The following AFF3 variants were observed in gnomAD, a reference collection of about 807,000 sequenced individuals.
AFF3 encodes the protein AF4/FMR2 family member 3.
A neutral mutation model predicts 129.7 loss-of-function variants in AFF3; 32 were observed. That is an observed-to-expected ratio of 0.25 (90% CI 0.19 to 0.33). The LOEUF is 0.33. Ranked by LOEUF, AFF3 falls within the 10% of genes least tolerant of loss-of-function variation. The pLI, the probability that AFF3 is intolerant of heterozygous loss-of-function variation, is 1.00. For missense variants in AFF3, 1,373 were observed against 1,592.0 expected (o/e 0.86, Z 2.34); for synonymous variants, 644 against 635.4 (o/e 1.01, Z -0.20).
chr2:99,796,955 A>T (rs1265425962), intron 8 of AFF3, among the ~76,000 whole-genome samples: 1 of 152,202 alleles, frequency 6.6e-6, no homozygotes, highest in Non-Finnish European at 1.5e-5. Flanking sequence ...CAAACTGTGG[A>T]GACAAAACCC....
intron 7 of AFF3, among the ~76,000 whole-genome samples, chr2:99,939,061 C>A (rs530624497): frequency 3.9e-5 from 6 of 152,350 alleles, no homozygotes; most frequent in African/African-American, 1.4e-4. Context: ...AAAGGAAGCA[C>A]TGTTGCTCTC....
intron 11 of AFF3, among the ~76,000 whole-genome samples, chr2:99,689,659 A>C (rs1479378293): frequency 1.3e-4 from 2 of 15,586 alleles, no homozygotes; most frequent in Non-Finnish European, 3.0e-4. Flanking sequence ...TTAATTGCAA[A>C]AAAAAAAAAA....
intron 4 of AFF3, among the ~76,000 whole-genome samples, chr2:100,051,136 T>C (rs1034631893): frequency 6.6e-6 from 1 of 152,146 alleles, no homozygotes; most frequent in Admixed American, 6.5e-5. Flanking sequence ...CAAATAGTCA[T>C]TCAGGTAGTC....
intron 7 of AFF3, among the ~76,000 whole-genome samples, chr2:99,955,426 G>A (rs577351186): frequency 1.6e-4 from 24 of 152,162 alleles, no homozygotes; most frequent in African/African-American, 5.8e-4. Context: ...AGTGAGAATT[G>A]CCTCCAAAAA....
intron 8 of AFF3, among the ~76,000 whole-genome samples, chr2:99,801,080 C>T (rs1484115520): frequency 5.9e-5 from 9 of 152,188 alleles, no homozygotes; most frequent in East Asian, 1.9e-4. Context: ...ATATTTTCAC[C>T]GGTATATACC....
chr2:99,927,493 C>A (rs1426482847), intron 7 of AFF3, among the ~76,000 whole-genome samples: 1 of 152,224 alleles, frequency 6.6e-6, no homozygotes. Context: ...GACCAACTAC[C>A]ACATGTTCTA....
chr2:99,642,330 A>AG (rs1684285041), intron 13 of AFF3, among the ~76,000 whole-genome samples: 1 of 146,538 alleles, frequency 6.8e-6, no homozygotes, highest in African/African-American at 2.5e-5. Flanking sequence ...TTTTGGACTG[A>AG]GTTTTTTTCT....
chr2:99,618,224 CTTTTT>C (rs70940180), intron 13 of AFF3, among the ~76,000 whole-genome samples: 5 of 80,082 alleles, frequency 6.2e-5, no homozygotes, highest in African/African-American at 1.7e-4. Flanking sequence ...TCATAACATT[CTTTTT>C]TTTTTTTTTT....
intron 7 of AFF3, among the ~76,000 whole-genome samples, chr2:99,954,407 A>G (rs1267845674): frequency 6.6e-6 from 1 of 152,134 alleles, no homozygotes; most frequent in Admixed American, 6.5e-5. Flanking sequence ...CAGCCATCCC[A>G]TTACTGGGTA....
chr2:99,918,804 AAGGTTGTTATACAAATGAAT>A (rs1474081545), intron 7 of AFF3, among the ~76,000 whole-genome samples: 1 of 152,196 alleles, frequency 6.6e-6, no homozygotes, highest in East Asian at 1.9e-4. Context: ...CTCATTTTCA[AAGGTTGTTATACAAATGAAT>A]AGCACCAACA....
At chr2:100,007,680 G>T in intron 5 of AFF3, 1 of 574,452 alleles carries the variant, frequency 1.7e-6, no homozygotes, top group South Asian at 2.2e-5. Flanking sequence ...CATAAAAAGG[G>T]ATCTATCCGG....
chr2:100,137,196 C>T (rs1179819394), intron 1 of AFF3, among the ~76,000 whole-genome samples: 1 of 152,050 alleles, frequency 6.6e-6, no homozygotes, highest in East Asian at 1.9e-4. Flanking sequence ...TAAAATCGTT[C>T]CTAGTTTGGA....
intron 13 of AFF3, among the ~76,000 whole-genome samples, chr2:99,628,932 G>A (rs1339851827): frequency 6.6e-6 from 1 of 152,030 alleles, no homozygotes; most frequent in Admixed American, 6.6e-5. Flanking sequence ...ATGTTGGCCA[G>A]GCTGGTCTCA....
At chr2:99,931,873 C>T (rs1017768126) in intron 7 of AFF3, among the ~76,000 whole-genome samples, 2 of 152,180 alleles carry the variant, frequency 1.3e-5, no homozygotes, top group African/African-American at 4.8e-5. Flanking sequence ...GGTGCCATTG[C>T]ACTCCAGTCT....
chr2:99,752,695 T>C (rs1681758364), intron 8 of AFF3, among the ~76,000 whole-genome samples: 1 of 152,220 alleles, frequency 6.6e-6, no homozygotes, highest in South Asian at 2.1e-4. Flanking sequence ...TACTTTTAAC[T>C]TTATGAATCT....
At chr2:99,783,417 A>G (rs1684548356) in intron 8 of AFF3, among the ~76,000 whole-genome samples, 1 of 152,186 alleles carries the variant, frequency 6.6e-6, no homozygotes, top group Non-Finnish European at 1.5e-5. Flanking sequence ...TAAATTCTGC[A>G]TTTGGGTACC....
chr2:99,898,381 G>C (rs1694119960), intron 7 of AFF3, among the ~76,000 whole-genome samples: 1 of 152,210 alleles, frequency 6.6e-6, no homozygotes, highest in Non-Finnish European at 1.5e-5. Context: ...CACCGAGAGA[G>C]AGTGGGTACC....
chr2:99,559,045 T>C (rs1432087898), intron 21 of AFF3, 77 bp from the exon 22 acceptor site: 10 of 1,357,178 alleles, frequency 7.4e-6, no homozygotes, highest in Non-Finnish European at 1.1e-5. Flanking sequence ...ATTTTTGTTG[T>C]TGTTCTAAGG....
At chr2:99,792,930 C>G (rs751716458) in intron 8 of AFF3, among the ~76,000 whole-genome samples, 1 of 152,142 alleles carries the variant, frequency 6.6e-6, no homozygotes, top group Non-Finnish European at 1.5e-5. Context: ...CATTTGTTTT[C>G]TGAGTAATTT....
Sources: gnomAD v4.1 joint callset for allele counts (sites outside exome capture counted in the v4.1 genomes callset) on GRCh38, gnomAD v4.1.1 for gene constraint, MANE v1.5 for transcripts, NCBI Gene and HGNC (gene_info 2026-07-23, HGNC 2026-07-21) for gene names.